The following DRC4 variants were observed in gnomAD, a reference collection of about 807,000 sequenced individuals.
DRC4 encodes the protein dynein regulatory complex subunit 4.
chr16:90,028,946 C>T, the DRC4 span: 1 of 1,302,540 alleles, frequency 7.7e-7, no homozygotes, highest in Admixed American at 2.3e-5. Flanking sequence ...GCAGGCAAAC[C>T]ATTGGCAGTT....
chr16:90,026,706 C>T, the DRC4 span, among the ~76,000 whole-genome samples: 18 of 151,510 alleles, frequency 1.2e-4, no homozygotes, highest in Admixed American at 9.9e-4. Context: ...TTTTTGGAGA[C>T]GGGGTCTCGT....
the DRC4 span, among the ~76,000 whole-genome samples, chr16:90,038,464 C>T: frequency 6.6e-6 from 1 of 152,212 alleles, no homozygotes; most frequent in East Asian, 1.9e-4. Context: ...TTAGCCGACT[C>T]CCGTCTGTTT....
the DRC4 span, chr16:90,037,256 A>G: frequency 6.2e-7 from 1 of 1,612,736 alleles, no homozygotes; most frequent in Non-Finnish European, 8.5e-7. Context: ...CATGCGGAAG[A>G]AGGAGGACCA....
the DRC4 span, among the ~76,000 whole-genome samples, chr16:90,030,283 T>A: frequency 6.6e-6 from 1 of 152,204 alleles, no homozygotes; most frequent in African/African-American, 2.4e-5. Flanking sequence ...ATATTTTTTT[T>A]GGGTTAATGT....
chr16:90,029,479 C>T, the DRC4 span: 2 of 448,790 alleles, frequency 4.5e-6, no homozygotes, highest in Non-Finnish European at 4.0e-6. Context: ...ACCATGTGAG[C>T]CAAACAGACC....
the DRC4 span, among the ~76,000 whole-genome samples, chr16:90,025,649 C>CAAAA: frequency 5.7e-4 from 26 of 45,888 alleles, no homozygotes; most frequent in African/African-American, 1.5e-3. Context: ...GACTCTGTCT[C>CAAAA]AAAAAAAAAA....
chr16:90,033,968 C>T, the DRC4 span, among the ~76,000 whole-genome samples: 7 of 151,360 alleles, frequency 4.6e-5, no homozygotes, highest in African/African-American at 1.5e-4. Context: ...CAGAGCTTGT[C>T]CGCCTCGAAA....
the DRC4 span, chr16:90,040,402 C>G: frequency 1.9e-6 from 3 of 1,612,244 alleles, no homozygotes; most frequent in South Asian, 3.3e-5. Flanking sequence ...ACGCAAGCTG[C>G]AGGCTCTGAG....
At chr16:90,022,557 C>G in the DRC4 span, 3 of 702,180 alleles carry the variant, frequency 4.3e-6, no homozygotes, top group East Asian at 3.4e-5. Context: ...GGACGCCCGT[C>G]TCTAGGGACG....
chr16:90,025,405 A>C, the DRC4 span, among the ~76,000 whole-genome samples: 1 of 151,170 alleles, frequency 6.6e-6, no homozygotes, highest in East Asian at 2.0e-4. Flanking sequence ...TAATCCCAGC[A>C]CTTTGGGAGG....
the DRC4 span, chr16:90,020,208 G>T: frequency 2.1e-6 from 1 of 482,834 alleles, no homozygotes; most frequent in South Asian, 3.2e-5. Context: ...CAGGAGCATT[G>T]ACTCATGCCT....
chr16:90,035,630 C>T, the DRC4 span: 5 of 1,614,142 alleles, frequency 3.1e-6, no homozygotes, highest in Non-Finnish European at 4.2e-6. Context: ...TCTCCCTGTG[C>T]AGAAACACAC....
At chr16:90,031,454 G>C in the DRC4 span, 7 of 1,599,256 alleles carry the variant, frequency 4.4e-6, no homozygotes, top group Non-Finnish European at 6.0e-6. Context: ...ACAAAGACCG[G>C]GAGATGGAAG....
the DRC4 span, chr16:90,044,721 A>C: frequency 2.4e-6 from 1 of 418,908 alleles, no homozygotes; most frequent in East Asian, 7.2e-5. Flanking sequence ...CTGCCCTGCC[A>C]CCTGTCAGAC....
chr16:90,031,390 C>A, the DRC4 span: 1 of 1,613,912 alleles, frequency 6.2e-7, no homozygotes, highest in East Asian at 2.2e-5. Context: ...AAGATCCACA[C>A]CTTCTGGGAG....
chr16:90,031,633 G>T, the DRC4 span: 1 of 932,020 alleles, frequency 1.1e-6, no homozygotes, highest in East Asian at 2.7e-5. Context: ...TTTTATAAAA[G>T]CCTGAGGGAG....
At chr16:90,031,328 G>A in the DRC4 span, 1 of 1,613,370 alleles carries the variant, frequency 6.2e-7, no homozygotes, top group Non-Finnish European at 8.5e-7. Context: ...GCATCCGGGA[G>A]GAGCTGGACC....
the DRC4 span, chr16:90,037,508 G>A: frequency 2.4e-6 from 3 of 1,259,384 alleles, no homozygotes; most frequent in African/African-American, 1.5e-5. Flanking sequence ...AAGGGAGACG[G>A]GGAGGCCTGC....
chr16:90,037,882 G>T, the DRC4 span: 1 of 1,583,660 alleles, frequency 6.3e-7, no homozygotes, highest in Non-Finnish European at 8.7e-7. Context: ...GCAGTTGGCG[G>T]TGGGTGTTAG....
Sources: allele counts gnomAD v4.1 joint callset (sites outside exome capture counted in the v4.1 genomes callset), GRCh38; gene constraint gnomAD v4.1.1; transcripts MANE v1.5; gene names NCBI Gene and HGNC (gene_info 2026-07-23, HGNC 2026-07-21).